The following PDPR variants were observed in gnomAD, a reference collection of about 807,000 sequenced individuals.
PDPR encodes pyruvate dehydrogenase phosphatase regulatory subunit, also known as pyruvate dehydrogenase phosphatase regulatory subunit, mitochondrial.
PDPR carries 50 observed loss-of-function variants against 102.2 expected under a neutral mutation model. The observed-to-expected ratio is 0.49, with a 90% CI of 0.39 to 0.62. PDPR has a LOEUF of 0.62. Among genes scored for constraint, PDPR ranks in the 20% least tolerant of loss-of-function variants. PDPR has a pLI of 0.00. For synonymous variants in PDPR, 259 were observed against 406.0 expected, an observed-to-expected ratio of 0.64 and a Z score of 4.35; for missense variants, 625 against 1,098.2, an observed-to-expected ratio of 0.57 and a Z score of 6.09.
At chr16:70,134,300 A>G (rs1476189010) in intron 9 of PDPR, among the ~76,000 whole-genome samples, 1 of 152,032 alleles carries the variant, frequency 6.6e-6, no homozygotes, top group Non-Finnish European at 1.5e-5. Context: ...ATCTTAGCTC[A>G]CTGCATCCTC....
chr16:70,124,918 C>T (rs1284734799), intron 3 of PDPR, among the ~76,000 whole-genome samples: 2 of 152,286 alleles, frequency 1.3e-5, no homozygotes, highest in African/African-American at 4.8e-5. Flanking sequence ...GAACCCCCCA[C>T]CTGCTTTCTT....
rs369842968 is a variant in PDPR at position 70,143,493 on chromosome 16, A to G, written c.1606-17A>G. The G allele has an allele frequency of 8.0e-5, 129 of 1,612,924 alleles. No individual in the cohort carries two copies. The highest frequency in any genetic ancestry group is 1.0e-4 in the Non-Finnish European group (121 of 1,179,272). On this transcript the variant is annotated splice_polypyrimidine_tract_variant and intron_variant, in intron 13 of 18. Coordinates refer to ENST00000288050, the MANE Select transcript of PDPR (RefSeq NM_017990.5). ...CTCTCACGCTCACTCTCTCTGTTTC[A>G]TTCCCTAACCCTGCAGTCCACTGGG...
At chr16:70,125,433 A>C (rs147014169) in intron 3 of PDPR, among the ~76,000 whole-genome samples, 4,826 of 151,204 alleles carry the variant, frequency 0.032, 78 homozygotes, top group African/African-American at 0.11. Flanking sequence ...ACACACCTGT[A>C]ATCCCTGCTA....
chr16:70,134,800 T>TAA (rs1359719242), intron 9 of PDPR, among the ~76,000 whole-genome samples: 1 of 120,982 alleles, frequency 8.3e-6, no homozygotes, highest in African/African-American at 2.7e-5. Flanking sequence ...AAAAAAAAAA[T>TAA]AATAATAATA....
chr16:70,150,395 C>T (rs373022925), intron 17 of PDPR, among the ~76,000 whole-genome samples: 15 of 134,026 alleles, frequency 1.1e-4, no homozygotes, highest in African/African-American at 3.7e-4. Flanking sequence ...TGAGCCACCG[C>T]ACCCGGGCCC....
chr16:70,122,941 C>T (rs1382822139), intron 3 of PDPR, among the ~76,000 whole-genome samples: 1 of 152,200 alleles, frequency 6.6e-6, no homozygotes, highest in Non-Finnish European at 1.5e-5. Flanking sequence ...TGCTTTGTCA[C>T]CCAGGCTGGA....
intron 10 of PDPR, among the ~76,000 whole-genome samples, chr16:70,137,155 A>T (rs1212009164): frequency 6.6e-6 from 1 of 152,194 alleles, no homozygotes. Flanking sequence ...GATCGAGACC[A>T]CTCTGGCTAA....
chr16:70,148,423 A>G, intron 16 of PDPR, 41 bp from the exon 17 acceptor site: 1 of 1,418,214 alleles, frequency 7.1e-7, no homozygotes. Flanking sequence ...CTTGACAAGT[A>G]ATGTGAGTGC....
intron 10 of PDPR, 129 bp from the exon 11 acceptor site, chr16:70,138,770 G>A (rs1458729979): frequency 6.5e-7 from 1 of 1,536,724 alleles, no homozygotes; most frequent in East Asian, 2.6e-5. Flanking sequence ...GTTAAGGAAA[G>A]TGCCCAAAAC....
chr16:70,157,035 CT>C lies in PDPR; in HGVS notation c.*162del, dbSNP rs761365431. 2.4e-4 allele frequency: 270 copies of C among 1,115,624 alleles called. 3 individuals carry two copies. In the South Asian group the frequency reaches 3.5e-3, roughly 15 times the overall value. The allele number at this position is 1,115,624 out of a possible 1,614,324, so 69.1% of individuals were successfully genotyped here. A position where few individuals can be genotyped will look rare whatever the true frequency, so the allele number is the denominator to read the frequency against. Reference sequence around the variant, plus strand: ...AATTTTGAACTTGACCTACTTTAAACTTTTTTGCTCTGCAGCCTTCCTTGCC... The same window carrying C: ...AATTTTGAACTTGACCTACTTTAAACTTTTTGCTCTGCAGCCTTCCTTGCC... On this transcript the variant is annotated 3_prime_UTR_variant, in exon 19 of 19. Transcript: ENST00000288050.
At chr16:70,155,569 T>C (rs1967063330) in intron 18 of PDPR, among the ~76,000 whole-genome samples, 2 of 152,252 alleles carry the variant, frequency 1.3e-5, no homozygotes, top group Non-Finnish European at 2.9e-5. Context: ...TTTCTTTTTT[T>C]AGTAGAGATG....
At chr16:70,138,038 CTT>C (rs200071207) in intron 10 of PDPR, among the ~76,000 whole-genome samples, 4 of 118,362 alleles carry the variant, frequency 3.4e-5, no homozygotes, top group African/African-American at 3.3e-5. Context: ...ATACCCAGCT[CTT>C]TTTTTTTTTT....
rs1392816641 is a variant in PDPR at position 70,130,622 on chromosome 16, T to A, written c.729+78T>A. 1.1e-5 allele frequency: 17 copies of A among 1,565,056 alleles called. No individual in the cohort carries two copies. The Admixed American group carries it at 2.9e-4, about 27-fold the overall frequency. ...TTTTGGTGTAGAGAAGTAAGATTAGTATTGTGATTGGTTATACAGATATCA... is the reference window on the plus strand; with the variant it reads ...TTTTGGTGTAGAGAAGTAAGATTAGAATTGTGATTGGTTATACAGATATCA... On this transcript the variant is annotated intron_variant, in intron 7 of 18. Coordinates refer to ENST00000288050, the MANE Select transcript of PDPR (RefSeq NM_017990.5).
At chr16:70,134,545 C>G (rs567326697) in intron 9 of PDPR, among the ~76,000 whole-genome samples, 3 of 150,108 alleles carry the variant, frequency 2.0e-5, no homozygotes, top group African/African-American at 7.3e-5. Flanking sequence ...GTAATCCCAG[C>G]ACTTTGGGAG....
At chr16:70,119,549 G>C (rs1245358462) in intron 2 of PDPR, among the ~76,000 whole-genome samples, 1 of 148,728 alleles carries the variant, frequency 6.7e-6, no homozygotes, top group Non-Finnish European at 1.5e-5. Flanking sequence ...TCGTGTACAT[G>C]CCGGCCTCCT....
At chr16:70,127,630 A>G (rs1964109574) in intron 4 of PDPR, among the ~76,000 whole-genome samples, 1 of 152,240 alleles carries the variant, frequency 6.6e-6, no homozygotes, top group African/African-American at 2.4e-5. Context: ...TCTACTAAGA[A>G]ATTAAGAAAA....
rs1262635973 is a variant in PDPR, at chr16:70,138,436, C to T, written c.1191-463C>T. On this transcript the variant is annotated intron_variant, in intron 10 of 18. Transcript: ENST00000288050. ...TTCTCCACATTGGTCAGGCTTGTTT[C>T]GAACTCCTGACCTCAAGTGATCCGT... is the stretch of plus-strand genomic sequence containing the variant. Among the ~76,000 whole-genome samples, 13 of 152,304 alleles carry T rather than the reference C, an allele frequency of 8.5e-5. No individual in the cohort carries two copies. In the South Asian group the frequency reaches 1.9e-3, roughly 22 times the overall value.
At chr16:70,125,212 A>G (rs2549091) in intron 3 of PDPR, among the ~76,000 whole-genome samples, 704 of 143,812 alleles carry the variant, frequency 4.9e-3, no homozygotes, top group East Asian at 0.01. Context: ...CCCCATCTCT[A>G]CTAAAAATAC....
intron 4 of PDPR, among the ~76,000 whole-genome samples, chr16:70,128,221 G>A (rs1964173261): frequency 2.0e-5 from 3 of 148,300 alleles, no homozygotes. Flanking sequence ...GCCCAAAACT[G>A]TCTTTTTTTT....
Sources: allele counts gnomAD v4.1 joint callset (sites outside exome capture counted in the v4.1 genomes callset), GRCh38; gene constraint gnomAD v4.1.1; transcripts MANE v1.5; gene names NCBI Gene and HGNC (gene_info 2026-07-23, HGNC 2026-07-21).